Variants in SORCS2 observed in about 807,000 individuals in gnomAD.
The protein encoded by SORCS2 is sortilin related VPS10 domain containing receptor 2, also known as VPS10 domain-containing receptor SorCS2.
Under a neutral mutation model 141.6 loss-of-function variants are expected in SORCS2, and 100 were observed. That is an observed-to-expected ratio of 0.71 (90% confidence interval 0.60 to 0.83). The LOEUF is 0.83. Ranked by LOEUF, SORCS2 falls within the 40% of genes least tolerant of loss-of-function variation. SORCS2 has a pLI of 0.00. For synonymous variants in SORCS2, 789 were observed against 676.9 expected, an observed-to-expected ratio of 1.17 and a Z score of -2.57; for missense variants, 1,646 against 1,560.2, an observed-to-expected ratio of 1.05 and a Z score of -0.93.
intron 26 of SORCS2, 76 bp from the exon 27 acceptor site, chr4:7,740,124 A>G (rs12501485): frequency 0.39 from 522,455 of 1,337,950 alleles, 106,332 homozygotes; most frequent in Admixed American, 0.46. Context: ...GCCTGAGGCC[A>G]CGACCGTGTC....
chr4:7,436,814 C>T (rs537841607), intron 2 of SORCS2, among the ~76,000 whole-genome samples: 45 of 152,282 alleles, frequency 3.0e-4, no homozygotes, highest in Middle Eastern at 6.8e-3. Context: ...AACGCTGCCC[C>T]GAACACTTCT....
intron 18 of SORCS2, among the ~76,000 whole-genome samples, chr4:7,720,280 G>A (rs1328265795): frequency 6.6e-6 from 1 of 152,140 alleles, no homozygotes; most frequent in Non-Finnish European, 1.5e-5. Context: ...TTTGACGTCG[G>A]TGCCAAAACA....
intron 10 of SORCS2, among the ~76,000 whole-genome samples, chr4:7,687,641 C>A (rs1376243008): frequency 2.6e-5 from 4 of 152,134 alleles, no homozygotes; most frequent in Admixed American, 2.0e-4. Flanking sequence ...CAGTCATCTT[C>A]AGGATGTGCG....
intron 3 of SORCS2, among the ~76,000 whole-genome samples, chr4:7,597,758 C>T (rs1011225882): frequency 6.6e-6 from 1 of 151,958 alleles, no homozygotes; most frequent in Non-Finnish European, 1.5e-5. Flanking sequence ...GTAAGAGGAA[C>T]ATTCGACATT....
chr4:7,246,541 C>T (rs1412922987), intron 1 of SORCS2, among the ~76,000 whole-genome samples: 1 of 152,176 alleles, frequency 6.6e-6, no homozygotes, highest in Non-Finnish European at 1.5e-5. Context: ...ACCCACAGAT[C>T]TCACTCAGGG....
chr4:7,546,297 C>T (rs568028157), intron 3 of SORCS2, among the ~76,000 whole-genome samples: 2 of 152,292 alleles, frequency 1.3e-5, no homozygotes, highest in South Asian at 4.1e-4. Context: ...ACCAAGGCCT[C>T]CCTCCAGGTC....
intron 1 of SORCS2, among the ~76,000 whole-genome samples, chr4:7,322,683 C>T (rs1349734722): frequency 6.6e-6 from 1 of 152,180 alleles, no homozygotes; most frequent in East Asian, 1.9e-4. Context: ...CTAAGCCGTC[C>T]CTGGGCTGCA....
chr4:7,362,221 A>G (rs187815143), intron 1 of SORCS2, among the ~76,000 whole-genome samples: 2 of 152,106 alleles, frequency 1.3e-5, no homozygotes, highest in Admixed American at 6.5e-5. Context: ...CATAGCCGCC[A>G]GTCGTCCTCT....
At chr4:7,441,357 A>G (rs1727652897) in intron 2 of SORCS2, among the ~76,000 whole-genome samples, 1 of 152,096 alleles carries the variant, frequency 6.6e-6, no homozygotes, top group Non-Finnish European at 1.5e-5. Context: ...GGCACTGCAT[A>G]CAGAGGCCTG....
At chr4:7,655,446 A>G (rs1246595808) in intron 5 of SORCS2, among the ~76,000 whole-genome samples, 2 of 152,198 alleles carry the variant, frequency 1.3e-5, no homozygotes, top group African/African-American at 4.8e-5. Flanking sequence ...TAAAAACAAT[A>G]TTATTAAGAG....
intron 3 of SORCS2, among the ~76,000 whole-genome samples, chr4:7,600,515 C>A (rs1354060222): frequency 6.6e-6 from 1 of 152,116 alleles, no homozygotes; most frequent in Admixed American, 6.5e-5. Flanking sequence ...CCAATCGGCT[C>A]CCAGTCCCGG....
At chr4:7,628,538 G>T (rs1577863069) in intron 3 of SORCS2, among the ~76,000 whole-genome samples, 1 of 146,784 alleles carries the variant, frequency 6.8e-6, no homozygotes, top group African/African-American at 2.5e-5. Context: ...AAAAAAGCTA[G>T]AAGTGAGAGT....
At chr4:7,206,700 C>T (rs905420290) in intron 1 of SORCS2, among the ~76,000 whole-genome samples, 11 of 152,182 alleles carry the variant, frequency 7.2e-5, no homozygotes, top group African/African-American at 1.9e-4. Flanking sequence ...GTGACACCCA[C>T]GCCTCCATGG....
At chr4:7,545,257 C>T (rs1384892155) in intron 3 of SORCS2, among the ~76,000 whole-genome samples, 3 of 152,040 alleles carry the variant, frequency 2.0e-5, no homozygotes, top group Admixed American at 1.3e-4. Flanking sequence ...TTCTGAAGAG[C>T]ATGCAGAACT....
At chr4:7,631,808 A>C (rs1349298185) in intron 3 of SORCS2, among the ~76,000 whole-genome samples, 1 of 152,072 alleles carries the variant, frequency 6.6e-6, no homozygotes, top group Non-Finnish European at 1.5e-5. Flanking sequence ...CAGGGTCGGA[A>C]ATCCATCGTG....
intron 1 of SORCS2, among the ~76,000 whole-genome samples, chr4:7,254,284 G>A (rs1356071811): frequency 1.3e-5 from 2 of 152,196 alleles, no homozygotes; most frequent in African/African-American, 4.8e-5. Context: ...GTCCATCCAT[G>A]ATGAATGGAT....
intron 9 of SORCS2, among the ~76,000 whole-genome samples, chr4:7,681,853 C>G (rs1021296695): frequency 8.5e-5 from 13 of 152,230 alleles, no homozygotes; most frequent in African/African-American, 3.1e-4. Context: ...GTTGCACCCC[C>G]TCTGAGCCTC....
chr4:7,565,609 TG>T (rs1714916595), intron 3 of SORCS2, among the ~76,000 whole-genome samples: 1 of 150,632 alleles, frequency 6.6e-6, no homozygotes, highest in Non-Finnish European at 1.5e-5. Flanking sequence ...GTAATGATGA[TG>T]ATATAATGAT....
intron 2 of SORCS2, among the ~76,000 whole-genome samples, chr4:7,450,270 C>T (rs531798656): frequency 1.6e-4 from 24 of 152,288 alleles, no homozygotes; most frequent in South Asian, 1.5e-3. Flanking sequence ...TGGAGTGACA[C>T]GGTGTGTGAC....
Sources: allele counts gnomAD v4.1 joint callset (sites outside exome capture counted in the v4.1 genomes callset), GRCh38; gene constraint gnomAD v4.1.1; transcripts MANE v1.5; gene names NCBI Gene and HGNC (gene_info 2026-07-23, HGNC 2026-07-21).